Variants in ADGRL2 observed in about 807,000 individuals in gnomAD.
The protein encoded by ADGRL2 is adhesion G protein-coupled receptor L2.
Under a neutral mutation model 157.4 loss-of-function variants are expected in ADGRL2, and 44 were observed. The observed-to-expected ratio is 0.28, with a 90% CI of 0.22 to 0.36. ADGRL2 has a LOEUF of 0.36. Ranked by LOEUF, ADGRL2 falls within the 10% of genes least tolerant of loss-of-function variation. The pLI, the probability that ADGRL2 is intolerant of heterozygous loss-of-function variation, is 1.00. For missense variants in ADGRL2, 1,510 were observed against 1,768.9 expected (o/e 0.85, Z 2.63); for synonymous variants, 585 against 624.7 (o/e 0.94, Z 0.95).
At chr1:81,508,841 A>G (rs1023341009) in intron 2 of ADGRL2, among the ~76,000 whole-genome samples, 1 of 152,174 alleles carries the variant, frequency 6.6e-6, no homozygotes, top group African/African-American at 2.4e-5. Context: ...AGGGTGAAAT[A>G]TTTGCCAAGA....
chr1:81,643,139 C>G (rs1025794946), intron 3 of ADGRL2, among the ~76,000 whole-genome samples: 8 of 152,128 alleles, frequency 5.3e-5, no homozygotes, highest in Admixed American at 4.6e-4. Flanking sequence ...AGAAATAAAG[C>G]TGTCTTTTTC....
intron 2 of ADGRL2, among the ~76,000 whole-genome samples, chr1:81,464,606 A>G (rs889034412): frequency 1.3e-5 from 2 of 152,182 alleles, no homozygotes; most frequent in African/African-American, 4.8e-5. Flanking sequence ...CTTGATAATA[A>G]AACACTGGTA....
intron 3 of ADGRL2, among the ~76,000 whole-genome samples, chr1:81,606,745 CGTGTGTGTGTGTGT>C (rs56718232): frequency 1.4e-5 from 2 of 146,926 alleles, no homozygotes; most frequent in African/African-American, 2.5e-5. Context: ...AGAGGATCAA[CGTGTGTGTGTGTGT>C]GTGTGTGTGT....
chr1:81,458,917 C>T (rs2077864200), intron 2 of ADGRL2, among the ~76,000 whole-genome samples: 1 of 152,138 alleles, frequency 6.6e-6, no homozygotes, highest in Admixed American at 6.5e-5. Flanking sequence ...GTCCCGCCAC[C>T]AGAAGGAATA....
chr1:81,712,755 ATTTTTTTTT>A (rs60265943), intron 1 of ADGRL2, among the ~76,000 whole-genome samples: 2 of 100,250 alleles, frequency 2.0e-5, no homozygotes, highest in African/African-American at 8.1e-5. Flanking sequence ...TGGATCGCGG[ATTTTTTTTT>A]TTTTTTTTTT....
At chr1:81,843,382 T>G (rs1360902367) in intron 2 of ADGRL2, among the ~76,000 whole-genome samples, 2 of 152,178 alleles carry the variant, frequency 1.3e-5, no homozygotes, top group Non-Finnish European at 2.9e-5. Context: ...CTACTTGCCT[T>G]GGCCTCCCAA....
chr1:81,445,497 A>G (rs1369595515), intron 2 of ADGRL2, among the ~76,000 whole-genome samples: 3 of 152,202 alleles, frequency 2.0e-5, no homozygotes, highest in African/African-American at 7.2e-5. Flanking sequence ...CCTTTGTAGA[A>G]GTAGGATGAG....
chr1:81,597,027 TC>T (rs971898016), intron 3 of ADGRL2, among the ~76,000 whole-genome samples: 7 of 152,168 alleles, frequency 4.6e-5, no homozygotes, highest in Non-Finnish European at 8.8e-5. Context: ...TTAAGCACAG[TC>T]CCTGCCCTGT....
chr1:81,624,553 C>A (rs1337871296), intron 3 of ADGRL2, among the ~76,000 whole-genome samples: 2 of 151,800 alleles, frequency 1.3e-5, no homozygotes, highest in African/African-American at 4.8e-5. Context: ...CTGCCCCACC[C>A]CCCCCAAAAA....
At chr1:81,905,172 A>T (rs1196922706) in intron 2 of ADGRL2, among the ~76,000 whole-genome samples, 1 of 149,432 alleles carries the variant, frequency 6.7e-6, no homozygotes, top group African/African-American at 2.5e-5. Flanking sequence ...ATCTTGGCTC[A>T]CTGCAACCCC....
chr1:81,342,966 C>T (rs969935740), intron 1 of ADGRL2, among the ~76,000 whole-genome samples: 1 of 151,910 alleles, frequency 6.6e-6, no homozygotes, highest in African/African-American at 2.4e-5. Context: ...AAAAAGTATG[C>T]AAGTAACTTT....
At chr1:81,858,612 C>T (rs185120476) in intron 2 of ADGRL2, among the ~76,000 whole-genome samples, 285 of 152,144 alleles carry the variant, frequency 1.9e-3, no homozygotes, top group East Asian at 6.0e-3. Flanking sequence ...CAGCTTCCAC[C>T]GACTGCACAG....
intron 2 of ADGRL2, among the ~76,000 whole-genome samples, chr1:81,521,375 A>C (rs1048397870): frequency 4.6e-5 from 7 of 152,188 alleles, no homozygotes; most frequent in Admixed American, 4.6e-4. Context: ...ATTATATAAT[A>C]TATACAGGTA....
At chr1:81,763,746 C>A (rs923742844) in intron 2 of ADGRL2, among the ~76,000 whole-genome samples, 1 of 146,656 alleles carries the variant, frequency 6.8e-6, no homozygotes, top group Non-Finnish European at 1.5e-5. Context: ...AGGGGCTAGG[C>A]GCAGTGGCTT....
chr1:81,946,910 A>G (rs1005194498), intron 6 of ADGRL2, among the ~76,000 whole-genome samples: 1 of 152,160 alleles, frequency 6.6e-6, no homozygotes, highest in Non-Finnish European at 1.5e-5. Context: ...CTTAGCATAA[A>G]TGTCTGTTGT....
intron 1 of ADGRL2, among the ~76,000 whole-genome samples, chr1:81,412,633 T>TATTA (rs1557669765): frequency 1.6e-4 from 24 of 152,312 alleles, no homozygotes; most frequent in African/African-American, 5.8e-4. Flanking sequence ...TAATATTACT[T>TATTA]GTTATGTAGC....
At chr1:81,835,915 T>G (rs2092254352) in intron 1 of ADGRL2, among the ~76,000 whole-genome samples, 1 of 152,150 alleles carries the variant, frequency 6.6e-6, no homozygotes. Flanking sequence ...AACATCTGCC[T>G]GCTTTTCCAA....
chr1:81,751,930 G>T (rs1185097691), intron 1 of ADGRL2, among the ~76,000 whole-genome samples: 1 of 152,074 alleles, frequency 6.6e-6, no homozygotes. Context: ...ATGATATGTT[G>T]TCATAATCCC....
chr1:81,990,721 A>T lies in ADGRL2; in HGVS notation c.3986A>T (p.His1329Leu). Residue 1329 changes from histidine to leucine, a missense_variant, in exon 24 of 24, where the codon CAT becomes CTT. Physicochemically the swap from His to Leu is moderately conservative, Grantham distance 99. Coordinates refer to ENST00000686636, the MANE Select transcript of ADGRL2 (RefSeq NM_001366006.2). ...MHSDNPGLEL[H>L]HKELEAPLIP... The stretch of plus-strand genomic sequence containing the variant: ...AGCGACAACCCAGGGCTGGAGCTCC[A>T]TCACAAAGAACTCGAGGCACCACTT... The T allele has an allele frequency of 2.5e-6, 4 of 1,614,134 alleles. No homozygotes were observed. The highest frequency in any genetic ancestry group is 3.4e-6 in the Non-Finnish European group (4 of 1,180,016).
Sources: allele counts gnomAD v4.1 joint callset (sites outside exome capture counted in the v4.1 genomes callset), GRCh38; gene constraint gnomAD v4.1.1; transcripts MANE v1.5; gene names NCBI Gene and HGNC (gene_info 2026-07-23, HGNC 2026-07-21).